Variants in ZNF14 observed in about 807,000 individuals in gnomAD.
ZNF14 encodes the protein gonadotropin inducible transcription repressor-4.
A neutral mutation model predicts 11.3 loss-of-function variants in ZNF14; 9 were observed. The observed-to-expected ratio is 0.80, with a 90% CI of 0.48 to 1.39. ZNF14 has a LOEUF of 1.39. Ranked by LOEUF, ZNF14 falls within the 40% of genes most tolerant of loss-of-function variation. The probability of loss-of-function intolerance (pLI) is 0.00; values close to 1 mark genes in which losing one functional copy is unlikely to be tolerated. For synonymous variants in ZNF14, 239 were observed against 245.7 expected, an observed-to-expected ratio of 0.97 and a Z score of 0.25; for missense variants, 711 against 763.9, an observed-to-expected ratio of 0.93 and a Z score of 0.82.
In ZNF14 at chr19:19,712,482, GA is replaced by G; in HGVS notation, c.798del (p.Arg267GlufsTer60). On this transcript the variant is annotated frameshift_variant, in exon 4 of 4. Coordinates refer to ENST00000344099, the MANE Select transcript of ZNF14 (RefSeq NM_021030.3). LOFTEE classifies it low-confidence loss of function (END_TRUNC). The part of the protein sequence containing the change: ...CGKAFSCPTY[F>X]RTHERTHTGE... ...CCAGTGTGAGTTCTTTCATGAGTTC[GA>G]AAGTATGTGGGACAACTGAAAGCCT... The G allele has an allele frequency of 6.4e-7, 1 of 1,559,348 alleles. No individual in the cohort carries two copies. The highest frequency in any genetic ancestry group is 8.8e-7 in the Non-Finnish European group (1 of 1,142,398).
At chr19:19,721,962 CA>C (rs36021998) in intron 1 of ZNF14, among the ~76,000 whole-genome samples, 47,993 of 107,076 alleles carry the variant, frequency 0.45, 8,002 homozygotes, top group Middle Eastern at 0.56. Context: ...GACTCAGTCT[CA>C]AAAAAAAAAA....
At position 19,721,051 on chromosome 19, in the gene ZNF14, G is replaced by A. The variant is rs751736451; in HGVS notation, c.4-6564C>T. The stretch of plus-strand genomic sequence containing the variant: ...TGGCTCACTGCAACCTCCACCTCCC[G>A]GGTTCAAGTGATCCTCCTGCCTCAG... On this transcript the variant is annotated intron_variant, in intron 1 of 3. Coordinates refer to ENST00000344099, the MANE Select transcript of ZNF14 (RefSeq NM_021030.3). Among the ~76,000 whole-genome samples the A allele has an allele frequency of 3.3e-5, 5 of 152,256 alleles. 1 individual carries two copies. The highest frequency in any genetic ancestry group is 1.3e-4 in the Admixed American group (2 of 15,290).
chr19:19,732,718 G>A (rs1259132265), intron 1 of ZNF14, among the ~76,000 whole-genome samples: 2 of 152,256 alleles, frequency 1.3e-5, no homozygotes, highest in Non-Finnish European at 2.9e-5. Context: ...TGCGGGCGCA[G>A]AGCTGCCCAT....
chr19:19,717,217 G>A (rs572567960), intron 1 of ZNF14, among the ~76,000 whole-genome samples: 1 of 152,204 alleles, frequency 6.6e-6, no homozygotes, highest in African/African-American at 2.4e-5. Context: ...TTATAGTTCA[G>A]TAATTCACTA....
Position 19,712,928 on chromosome 19 carries a change from A to C in ZNF14, c.353T>G (p.Leu118Arg). 6.2e-7 allele frequency: 1 copy of C among 1,614,112 alleles called. No homozygotes were observed. The highest frequency in any genetic ancestry group is 8.5e-7 in the Non-Finnish European group (1 of 1,180,010). The change falls in exon 4 of 4, where the codon CTT (leucine) becomes CGT (arginine). Residue 118 changes from leucine (L) to arginine (R), a missense_variant. Physicochemically the swap from Leu to Arg is moderately radical, Grantham distance 102 (BLOSUM62 -2). Transcript: ENST00000344099. ...AGTGTGAGATCTCATGTGCCTATTA[A>C]GGGACGAATGATGAATGAAGTCTCT... The part of the protein sequence containing the change: ...CGRDFIHHSS[L>R]NRHMRSHTGQ...
chr19:19,727,110 C>A lies in ZNF14; in HGVS notation c.3+5846G>T, dbSNP rs540605237. Among the ~76,000 whole-genome samples, 53 of 133,474 alleles carry A rather than the reference C, an allele frequency of 4.0e-4. 16 individuals carry two copies. The highest frequency in any genetic ancestry group is 1.4e-3 in the African/African-American group (51 of 36,178). 87.6% of individuals were successfully genotyped at this position (133,474 alleles called of 152,430 possible). On this transcript the variant is annotated intron_variant, in intron 1 of 3. Coordinates refer to ENST00000344099, the MANE Select transcript of ZNF14 (RefSeq NM_021030.3). Reference sequence around the variant, plus strand: ...AAGCCCCAGTGAGATGAACCTGGTACCTCAGTTGGAAATGCAGAAATCACC... The same window carrying A: ...AAGCCCCAGTGAGATGAACCTGGTAACTCAGTTGGAAATGCAGAAATCACC...
Position 19,711,390 on chromosome 19 carries a change from G to C in ZNF14, c.1891C>G (p.Arg631Gly), listed in dbSNP as rs768021633. The C allele has an allele frequency of 3.8e-6, 6 of 1,586,150 alleles. No individual in the cohort carries two copies. The highest frequency in any genetic ancestry group is 5.1e-6 in the Non-Finnish European group (6 of 1,168,428). Reference protein sequence around the residue: ...GKAFISSSHFRLHERTHMGEK... With the variant: ...GKAFISSSHFGLHERTHMGEK... ...CCCATATGAGTCCTTTCATGCAGTC[G>C]AAAGTGACTGGAAGAAATGAAGGCT... Residue 631 changes from arginine to glycine, a missense_variant, in exon 4 of 4, where the codon CGA becomes GGA. Coordinates refer to ENST00000344099, the MANE Select transcript of ZNF14 (RefSeq NM_021030.3).
At position 19,712,660 on chromosome 19, in the gene ZNF14, T is replaced by C. The variant is rs773457754; in HGVS notation, c.621A>G (p.Ile207Met). Reference protein sequence around the residue: ...YECKQCGKTFIYYQSFQKHAH... With the variant: ...YECKQCGKTFMYYQSFQKHAH... ...CATGTTTTTGAAAAGACTGGTAATA[T>C]ATAAAGGTTTTTCCACATTGCTTAC... The change falls in exon 4 of 4, where the codon ATA becomes ATG. Residue 207 changes from isoleucine (I) to methionine (M), a missense_variant. Ile to Met is a conservative substitution (Grantham distance 10, BLOSUM62 1). Transcript: ENST00000344099. 1.4e-5 allele frequency: 22 copies of C among 1,613,886 alleles called. No homozygotes were observed. The highest frequency in any genetic ancestry group is 1.6e-4 in the Middle Eastern group (1 of 6,084).
At chr19:19,729,471 A>C (rs530917175) in intron 1 of ZNF14, among the ~76,000 whole-genome samples, 1 of 151,702 alleles carries the variant, frequency 6.6e-6, no homozygotes, top group East Asian at 2.0e-4. Context: ...GCCAGCCCCC[A>C]CATCCAGCTA....
chr19:19,721,878 G>A (rs151250716), intron 1 of ZNF14, among the ~76,000 whole-genome samples: 5 of 151,244 alleles, frequency 3.3e-5, no homozygotes, highest in African/African-American at 1.2e-4. Context: ...CAGGAGAATT[G>A]CTTGAACCCA....
At chr19:19,731,863 C>A (rs1226522816) in intron 1 of ZNF14, among the ~76,000 whole-genome samples, 1 of 152,094 alleles carries the variant, frequency 6.6e-6, no homozygotes, top group Admixed American at 6.5e-5. Context: ...GTCAGGAGAT[C>A]GAGACCATCC....
At chr19:19,732,261 G>T (rs1478419404) in intron 1 of ZNF14, among the ~76,000 whole-genome samples, 2 of 152,098 alleles carry the variant, frequency 1.3e-5, no homozygotes, top group African/African-American at 4.8e-5. Context: ...ACTAAAAATC[G>T]CACACATTCA....
chr19:19,726,707 G>A lies in ZNF14; in HGVS notation c.3+6249C>T, dbSNP rs1490696975. ...AGGTGGAGTCTACAGAGGCAGGCAG[G>A]CCTCCTTGAGCTGTGGTGAGCTCCA... On this transcript the variant is annotated intron_variant, in intron 1 of 3. Transcript: ENST00000344099. Among the ~76,000 whole-genome samples, 13 of 133,048 alleles carry A rather than the reference G, an allele frequency of 9.8e-5. 4 individuals carry two copies. Among genetic ancestry groups the A allele is most frequent in the Non-Finnish European group, 8.4e-5 (5 of 59,832 alleles). The allele number at this position is 133,048 out of a possible 152,430, so 87.3% of individuals were successfully genotyped here. A position where few individuals can be genotyped will look rare whatever the true frequency, so the allele number is the denominator to read the frequency against.
chr19:19,724,095 G>C (rs2062400589), intron 1 of ZNF14, among the ~76,000 whole-genome samples: 1 of 132,720 alleles, frequency 7.5e-6, no homozygotes, highest in Non-Finnish European at 1.7e-5. Flanking sequence ...GTTCTGCTCT[G>C]ATCTTAGTTA....
At position 19,713,748 on chromosome 19, in the gene ZNF14, C is replaced by CTTTTT. The variant is rs71172526; in HGVS notation, c.191+338_191+342dup. Among the ~76,000 whole-genome samples the CTTTTT allele has an allele frequency of 6.6e-4, 79 of 120,194 alleles. 1 individual carries two copies. The highest frequency in any genetic ancestry group is 1.5e-3 in the African/African-American group (50 of 33,868). 78.9% of individuals were successfully genotyped at this position (120,194 alleles called of 152,430 possible). ...ACAGGCATGAGCCACTGTGCCAGGCCTTTTTTTTTTTTTTTCCCCAGATGA... is the reference window on the plus strand; with the variant it reads ...ACAGGCATGAGCCACTGTGCCAGGCCTTTTTTTTTTTTTTTTTTTTCCCCAGATGA... On this transcript the variant is annotated intron_variant, in intron 3 of 3. Transcript: ENST00000344099.
At chr19:19,719,707 A>G (rs1413610701) in intron 1 of ZNF14, among the ~76,000 whole-genome samples, 1 of 152,180 alleles carries the variant, frequency 6.6e-6, no homozygotes, top group Non-Finnish European at 1.5e-5. Context: ...CAACAAATAG[A>G]AAAACATAAA....
chr19:19,722,589 G>A (rs2062395994), intron 1 of ZNF14, among the ~76,000 whole-genome samples: 1 of 152,180 alleles, frequency 6.6e-6, no homozygotes, highest in Admixed American at 6.5e-5. Flanking sequence ...CTTTAAAGTA[G>A]TTTTTTCCAA....
chr19:19,721,002 G>C (rs1031286699), intron 1 of ZNF14, among the ~76,000 whole-genome samples: 1 of 152,180 alleles, frequency 6.6e-6, no homozygotes, highest in Non-Finnish European at 1.5e-5. Context: ...CTGTCACTCA[G>C]GTTGGAGCGC....
At chr19:19,732,397 C>T (rs2062426530) in intron 1 of ZNF14, among the ~76,000 whole-genome samples, 3 of 152,146 alleles carry the variant, frequency 2.0e-5, no homozygotes, top group African/African-American at 7.2e-5. Flanking sequence ...TAAGGAGTCC[C>T]CTTCCCCGCA....
Sources: allele counts gnomAD v4.1 joint callset (sites outside exome capture counted in the v4.1 genomes callset), GRCh38; gene constraint gnomAD v4.1.1; transcripts MANE v1.5; gene names NCBI Gene and HGNC (gene_info 2026-07-23, HGNC 2026-07-21).